The following DGLUCY variants were observed in gnomAD, a reference collection of about 807,000 sequenced individuals.
The protein encoded by DGLUCY is D-glutamate cyclase.
Under a neutral mutation model 58.5 loss-of-function variants are expected in DGLUCY, and 58 were observed. The ratio of observed to expected loss-of-function variants is 0.99; its 90% CI spans 0.80 to 1.23. The LOEUF (loss-of-function observed/expected upper bound fraction) is 1.23, where lower values mean the gene tolerates loss of function less well. DGLUCY is among the 50% of genes most tolerant of loss of function. The pLI, the probability that DGLUCY is intolerant of heterozygous loss-of-function variation, is 0.00. For missense variants in DGLUCY, 779 were observed against 784.7 expected, an observed-to-expected ratio of 0.99 and a Z score of 0.09; for synonymous variants, 325 against 314.1, an observed-to-expected ratio of 1.03 and a Z score of -0.37.
At chr14:91,093,931 TC>T (rs2140070367) in intron 1 of DGLUCY, among the ~76,000 whole-genome samples, 1 of 152,148 alleles carries the variant, frequency 6.6e-6, no homozygotes, top group African/African-American at 2.4e-5. Flanking sequence ...AGGAGGCAGA[TC>T]AGTGGTTGCA....
chr14:91,196,296 A>G, intron 9 of DGLUCY, 79 bp from the exon 10 acceptor site: 1 of 1,104,528 alleles, frequency 9.1e-7, no homozygotes, highest in Non-Finnish European at 1.4e-6. Context: ...CCCTTCAAAG[A>G]AGCTTTTGAA....
intron 8 of DGLUCY, among the ~76,000 whole-genome samples, chr14:91,182,367 A>G (rs1000147028): frequency 1.3e-5 from 2 of 152,230 alleles, no homozygotes; most frequent in African/African-American, 4.8e-5. Context: ...GTTGCCAGCC[A>G]GAAGCAGATG....
chr14:91,164,552 C>G (rs1297402315), intron 3 of DGLUCY, among the ~76,000 whole-genome samples: 2 of 152,198 alleles, frequency 1.3e-5, no homozygotes, highest in African/African-American at 4.8e-5. Context: ...GGGGGCACCT[C>G]AAGCCCAGTA....
chr14:91,167,115 G>A, intron 3 of DGLUCY, 110 bp from the exon 4 acceptor site: 1 of 1,366,064 alleles, frequency 7.3e-7, no homozygotes, highest in East Asian at 2.4e-5. Context: ...CTCCAGCATG[G>A]GCTACAAGAG....
At chr14:91,156,101 T>C (rs921462392) in intron 1 of DGLUCY, among the ~76,000 whole-genome samples, 1 of 151,946 alleles carries the variant, frequency 6.6e-6, no homozygotes, top group Admixed American at 6.6e-5. Context: ...ATAAGGTGTG[T>C]AGGGTAGCCT....
chr14:91,183,613 A>G (rs893303791), intron 8 of DGLUCY, among the ~76,000 whole-genome samples: 2 of 152,196 alleles, frequency 1.3e-5, no homozygotes, highest in African/African-American at 4.8e-5. Flanking sequence ...GGCTGCAAGC[A>G]TTTATGCGTT....
At position 91,220,967 on chromosome 14, in the gene DGLUCY, G is replaced by A. The variant is rs1453587971; in HGVS notation, c.1717-3717G>A. On this transcript the variant is annotated intron_variant, in intron 13 of 13. Transcript: ENST00000256324. ...GGCTCATGGTATAAACAAACACCAG[G>A]AAAGGTTTCCTGGACTTCCCCCACC... Among the ~76,000 whole-genome samples the A allele has an allele frequency of 3.3e-5, 5 of 152,352 alleles. No homozygotes were observed. In the East Asian group the frequency reaches 9.6e-4, roughly 29 times the overall value.
At chr14:91,117,459 G>C (rs1056459414) in intron 1 of DGLUCY, among the ~76,000 whole-genome samples, 11 of 152,122 alleles carry the variant, frequency 7.2e-5, no homozygotes, top group Non-Finnish European at 7.3e-5. Context: ...TGACACTTGG[G>C]CTTGACTGCT....
At chr14:91,060,424 T>G (rs1274552217) in exon 1 of DGLUCY, 19 of 1,489,714 alleles carry the variant, frequency 1.3e-5, no homozygotes, top group Non-Finnish European at 1.6e-5. Context: ...GCTGCCACCC[T>G]CCTCCTCCAT....
At chr14:91,119,318 T>A (rs967145654) in intron 1 of DGLUCY, among the ~76,000 whole-genome samples, 7 of 152,066 alleles carry the variant, frequency 4.6e-5, no homozygotes, top group Non-Finnish European at 7.3e-5. Flanking sequence ...AGCTCCCTTC[T>A]AAATGATATA....
intron 1 of DGLUCY, among the ~76,000 whole-genome samples, chr14:91,155,501 T>C (rs2047566092): frequency 6.6e-6 from 1 of 152,202 alleles, no homozygotes; most frequent in South Asian, 2.1e-4. Flanking sequence ...GCTAGAGAGT[T>C]GACTGATGGC....
chr14:91,221,622 G>C (rs1179977161), intron 13 of DGLUCY, among the ~76,000 whole-genome samples: 1 of 152,080 alleles, frequency 6.6e-6, no homozygotes, highest in Non-Finnish European at 1.5e-5. Context: ...ATAGATGGGT[G>C]AGCAGATGGA....
Position 91,157,441 on chromosome 14 carries a change from C to T in DGLUCY, c.-81-198C>T, listed in dbSNP as rs61566376. Among the ~76,000 whole-genome samples the T allele has an allele frequency of 2.8e-3, 419 of 152,332 alleles. 4 individuals carry two copies. The highest frequency in any genetic ancestry group is 9.6e-3 in the African/African-American group (398 of 41,572). ...CTTTGAGCTCGTTGGACCTCAGTTTCTGTCTGTAATAGGATTAACAATGCC... is the reference window on the plus strand; with the variant it reads ...CTTTGAGCTCGTTGGACCTCAGTTTTTGTCTGTAATAGGATTAACAATGCC... On this transcript the variant is annotated intron_variant, in intron 1 of 13. Coordinates refer to ENST00000256324, the MANE Select transcript of DGLUCY (RefSeq NM_001102368.3).
chr14:91,113,485 T>TA (rs2044747103), upstream of DGLUCY, among the ~76,000 whole-genome samples: 1 of 152,172 alleles, frequency 6.6e-6, no homozygotes, highest in Admixed American at 6.5e-5. Flanking sequence ...GATACTGTTC[T>TA]AGTGCATAAT....
At position 91,189,006 on chromosome 14, in the gene DGLUCY, T is replaced by TC. The variant is rs776162802; in HGVS notation, c.1035dup (p.Thr346HisfsTer6). The TC allele has an allele frequency of 2.6e-5, 42 of 1,614,020 alleles. No individual in the cohort carries two copies. The highest frequency in any genetic ancestry group is 3.5e-5 in the Non-Finnish European group (41 of 1,180,024). On this transcript the variant is annotated frameshift_variant, in exon 9 of 14. Coordinates refer to ENST00000256324, the MANE Select transcript of DGLUCY (RefSeq NM_001102368.3). LOFTEE classifies it high-confidence loss of function. ...CGCTCAGTGCTCATCACCACTGGGT[T>TC]CCCCACACATTTCAATCATGAGCCT... is the stretch of plus-strand genomic sequence containing the variant.
chr14:91,221,629 T>G (rs1281552320), intron 13 of DGLUCY, among the ~76,000 whole-genome samples: 3 of 152,092 alleles, frequency 2.0e-5, no homozygotes, highest in African/African-American at 7.2e-5. Flanking sequence ...GGTGAGCAGA[T>G]GGAAGGATGA....
intron 1 of DGLUCY, among the ~76,000 whole-genome samples, chr14:91,099,330 C>T (rs549938398): frequency 3.3e-5 from 5 of 152,162 alleles, no homozygotes; most frequent in South Asian, 2.1e-4. Flanking sequence ...GTCAGGAGCT[C>T]GAGACCAGCC....
At chr14:91,164,105 A>G (rs575243797) in intron 3 of DGLUCY, among the ~76,000 whole-genome samples, 3 of 152,126 alleles carry the variant, frequency 2.0e-5, no homozygotes, top group South Asian at 4.2e-4. Context: ...ACGTGCCACC[A>G]TGCCTGGCTA....
chr14:91,072,740 T>C (rs1167538597), intron 1 of DGLUCY, among the ~76,000 whole-genome samples: 1 of 152,024 alleles, frequency 6.6e-6, no homozygotes, highest in Non-Finnish European at 1.5e-5. Context: ...TAACAGTCAT[T>C]GCCAGGTGCG....
Sources: allele counts gnomAD v4.1 joint callset (sites outside exome capture counted in the v4.1 genomes callset), GRCh38; gene constraint gnomAD v4.1.1; transcripts MANE v1.5; gene names NCBI Gene and HGNC (gene_info 2026-07-23, HGNC 2026-07-21).